Variants in SAMD5 observed in about 807,000 individuals in gnomAD.
SAMD5 encodes sterile alpha motif domain containing 5.
SAMD5 carries 13 observed loss-of-function variants against 11.3 expected under a neutral mutation model. That is an observed-to-expected ratio of 1.15 (90% confidence interval 0.75 to 1.83). The LOEUF (loss-of-function observed/expected upper bound fraction) is 1.83, where lower values mean the gene tolerates loss of function less well. Ranked by LOEUF, SAMD5 falls within the 40% of genes most tolerant of loss-of-function variation. The pLI, the probability that SAMD5 is intolerant of heterozygous loss-of-function variation, is 0.00. For missense variants in SAMD5, 255 were observed against 239.1 expected, an observed-to-expected ratio of 1.07 and a Z score of -0.44; for synonymous variants, 129 against 111.3, an observed-to-expected ratio of 1.16 and a Z score of -1.00.
the SAMD5 span, among the ~76,000 whole-genome samples, chr6:147,867,639 A>C: frequency 6.6e-6 from 1 of 152,068 alleles, no homozygotes. Context: ...TCTATTGCCT[A>C]TTGATTTATT....
At chr6:147,782,249 G>A in the SAMD5 span, among the ~76,000 whole-genome samples, 1 of 152,074 alleles carries the variant, frequency 6.6e-6, no homozygotes, top group Admixed American at 6.5e-5. Context: ...TCATTTAAAT[G>A]GCTCCACTTA....
the SAMD5 span, among the ~76,000 whole-genome samples, chr6:147,751,076 A>G: frequency 3.9e-5 from 6 of 152,146 alleles, no homozygotes; most frequent in South Asian, 4.2e-4. Context: ...CCAACGACAC[A>G]TCTCCTTTCT....
At chr6:147,761,235 A>T in the SAMD5 span, among the ~76,000 whole-genome samples, 10 of 152,240 alleles carry the variant, frequency 6.6e-5, no homozygotes, top group South Asian at 1.9e-3. Flanking sequence ...ACAAATCTGA[A>T]TGATAATATA....
intron 1 of SAMD5, among the ~76,000 whole-genome samples, chr6:147,596,427 T>G (rs1035959903): frequency 6.6e-6 from 1 of 152,192 alleles, no homozygotes; most frequent in Non-Finnish European, 1.5e-5. Context: ...TATTAGTCTG[T>G]GGTTATGGCC....
chr6:147,561,102 T>A (rs1227890775), intron 1 of SAMD5, among the ~76,000 whole-genome samples: 2 of 152,242 alleles, frequency 1.3e-5, no homozygotes, highest in African/African-American at 2.4e-5. Context: ...AACAAAACCT[T>A]GTCTTTAAAA....
At chr6:147,742,603 G>C in the SAMD5 span, among the ~76,000 whole-genome samples, 1 of 152,136 alleles carries the variant, frequency 6.6e-6, no homozygotes, top group Non-Finnish European at 1.5e-5. Context: ...GAAAGCATTA[G>C]GTAGACTCTG....
At position 147,624,275 on chromosome 6, in the gene SAMD5, A is replaced by AT. The variant is rs1790015996; in HGVS notation, c.163-113042_163-113041insT. 2.0e-5 allele frequency among the ~76,000 whole-genome samples: 3 copies of AT among 152,128 alleles called. No individual in the cohort carries two copies. The South Asian group carries it at 6.2e-4, about 31-fold the overall frequency. On this transcript the variant is annotated intron_variant, in intron 1 of 1. Transcript: ENST00000566741. ...GTGCTCAGAAGGCCGAGCCCAGCTGAGGGTCCTGATTAGGGCATGCTCGCT... is the reference window on the plus strand; with the variant it reads ...GTGCTCAGAAGGCCGAGCCCAGCTGATGGGTCCTGATTAGGGCATGCTCGCT...
At chr6:147,766,233 T>C in the SAMD5 span, among the ~76,000 whole-genome samples, 1 of 151,736 alleles carries the variant, frequency 6.6e-6, no homozygotes, top group Admixed American at 6.6e-5. Flanking sequence ...TTGTCTCCAG[T>C]TTAAGGAATT....
intron 1 of SAMD5, among the ~76,000 whole-genome samples, chr6:147,669,420 C>CTTTTTTT (rs55877273): frequency 5.4e-5 from 4 of 74,516 alleles, no homozygotes; most frequent in African/African-American, 5.3e-5. Context: ...AGCTCCACTT[C>CTTTTTTT]TTTTTTTTTT....
At chr6:147,675,082 T>G (rs1790844759) in intron 1 of SAMD5, among the ~76,000 whole-genome samples, 1 of 152,150 alleles carries the variant, frequency 6.6e-6, no homozygotes, top group Non-Finnish European at 1.5e-5. Context: ...GAAATTGGCA[T>G]GTATAAAGAA....
At chr6:147,741,231 G>A (rs181667317), downstream of SAMD5, among the ~76,000 whole-genome samples, 4 of 152,218 alleles carry the variant, frequency 2.6e-5, no homozygotes, top group Admixed American at 6.5e-5. Context: ...GCTCCCCAGA[G>A]GAAACATTTT....
chr6:147,579,088 T>G (rs139064803), intron 1 of SAMD5, among the ~76,000 whole-genome samples: 13 of 152,380 alleles, frequency 8.5e-5, no homozygotes, highest in African/African-American at 2.6e-4. Flanking sequence ...TGAGAACAAC[T>G]GATTGAGCAG....
the SAMD5 span, among the ~76,000 whole-genome samples, chr6:147,857,777 A>G: frequency 6.6e-6 from 1 of 152,220 alleles, no homozygotes; most frequent in Non-Finnish European, 1.5e-5. Context: ...AAATATGTAC[A>G]AAGGGCTAAT....
intron 1 of SAMD5, among the ~76,000 whole-genome samples, chr6:147,715,693 T>C (rs1430647329): frequency 6.6e-6 from 1 of 152,144 alleles, no homozygotes; most frequent in Non-Finnish European, 1.5e-5. Flanking sequence ...GAATGAAGTA[T>C]GTGGATAAGT....
chr6:147,550,986 GT>G (rs1788762438), intron 1 of SAMD5, among the ~76,000 whole-genome samples: 1 of 152,078 alleles, frequency 6.6e-6, no homozygotes, highest in Non-Finnish European at 1.5e-5. Context: ...AGGCATCCAT[GT>G]TTTTTGACAT....
chr6:147,783,197 A>G, the SAMD5 span, among the ~76,000 whole-genome samples: 1 of 152,122 alleles, frequency 6.6e-6, no homozygotes, highest in East Asian at 1.9e-4. Context: ...ATTAAGTCTT[A>G]TACTCTCTAT....
intron 1 of SAMD5, among the ~76,000 whole-genome samples, chr6:147,676,405 C>G (rs768360199): frequency 3.3e-5 from 5 of 152,116 alleles, no homozygotes; most frequent in Non-Finnish European, 7.3e-5. Flanking sequence ...CTTAGACCAC[C>G]TAATTTTAAT....
At chr6:147,882,556 C>T in the SAMD5 span, among the ~76,000 whole-genome samples, 1 of 152,150 alleles carries the variant, frequency 6.6e-6, no homozygotes, top group Non-Finnish European at 1.5e-5. Context: ...TAGCCAAGCA[C>T]TCTAACCTGG....
At chr6:147,625,170 C>A (rs1002094273) in intron 1 of SAMD5, among the ~76,000 whole-genome samples, 4 of 152,104 alleles carry the variant, frequency 2.6e-5, no homozygotes, top group African/African-American at 9.7e-5. Context: ...ATACATATCC[C>A]AGGCCTGAGA....
Sources: allele counts gnomAD v4.1 joint callset (sites outside exome capture counted in the v4.1 genomes callset), GRCh38; gene constraint gnomAD v4.1.1; transcripts MANE v1.5; gene names NCBI Gene and HGNC (gene_info 2026-07-23, HGNC 2026-07-21).